The following KLHL8 variants were observed in gnomAD, a reference collection of about 807,000 sequenced individuals.
KLHL8 encodes the protein kelch like family member 8.
KLHL8 carries 38 observed loss-of-function variants against 63.5 expected under a neutral mutation model. The ratio of observed to expected loss-of-function variants is 0.60; its 90% CI spans 0.46 to 0.78. The LOEUF is 0.78. KLHL8 is among the 30% of genes least tolerant of loss of function. The pLI is 0.00. For missense variants in KLHL8, 566 were observed against 752.4 expected (o/e 0.75, Z 2.90); for synonymous variants, 224 against 254.3 (o/e 0.88, Z 1.13).
chr4:87,195,673 T>C lies in KLHL8; in HGVS notation c.-134A>G, dbSNP rs1731668260. 1.8e-5 allele frequency: 12 copies of C among 661,114 alleles called. No homozygotes were observed. The South Asian group carries it at 2.2e-4, about 12-fold the overall frequency. 41.0% of individuals were successfully genotyped at this position (661,114 alleles called of 1,614,324 possible). A position where few individuals can be genotyped will look rare whatever the true frequency, so the allele number is the denominator to read the frequency against. ...TTTTTCAAAACCCACTCAACTGCCA[T>C]TGTACAGTTTGCTGTGACTGAAAAA... is the stretch of plus-strand genomic sequence containing the variant. On this transcript the variant is annotated 5_prime_UTR_variant, in exon 2 of 10. It removes an upstream start codon present in the reference 5' UTR. Transcript: ENST00000273963.
At chr4:87,198,877 C>A (rs903702120) in intron 1 of KLHL8, among the ~76,000 whole-genome samples, 2 of 152,228 alleles carry the variant, frequency 1.3e-5, no homozygotes, top group African/African-American at 4.8e-5. Flanking sequence ...TAGAAGCAGC[C>A]TAAATGTCCT....
rs1370357298 is a variant in KLHL8, at chr4:87,185,655, A to C, written c.361T>G (p.Leu121Val). ...CGTGAAGAATAGACAAACTTTACCA[A>C]GTCTTCTATTGCATCACCATCAAAA... is the stretch of plus-strand genomic sequence containing the variant. ...RDFDGDAIED[L>V]VKFVYSSRLT... is the part of the protein sequence containing the mutation. The change falls in exon 3 of 10, where the codon TTG becomes GTG. Residue 121 changes from leucine to valine, a missense_variant. Transcript: ENST00000273963. 1.2e-6 allele frequency: 2 copies of C among 1,614,200 alleles called. No individual in the cohort carries two copies. The highest frequency in any genetic ancestry group is 1.7e-6 in the Non-Finnish European group (2 of 1,180,038).
intron 1 of KLHL8, among the ~76,000 whole-genome samples, chr4:87,218,371 C>T (rs1732682173): frequency 6.6e-6 from 1 of 152,036 alleles, no homozygotes; most frequent in South Asian, 2.1e-4. Context: ...CATGCGCCAC[C>T]ATGCCCAGCT....
chr4:87,214,211 CT>C (rs11336481), intron 1 of KLHL8, among the ~76,000 whole-genome samples: 20,494 of 141,556 alleles, frequency 0.14, 2,839 homozygotes, highest in African/African-American at 0.36. Context: ...CCTAAGTCAT[CT>C]TTTTTTTTTT....
chr4:87,220,850 C>G (rs1732817057), upstream of KLHL8: 1 of 152,248 alleles, frequency 6.6e-6, no homozygotes, highest in South Asian at 2.1e-4. Context: ...TTGAGCTTAT[C>G]CATGCTTCAC....
intron 1 of KLHL8, among the ~76,000 whole-genome samples, chr4:87,229,336 T>C (rs1733092919): frequency 6.6e-6 from 1 of 152,066 alleles, no homozygotes; most frequent in African/African-American, 2.4e-5. Context: ...AGCATGGACA[T>C]TGACCAGCAG....
intron 2 of KLHL8, among the ~76,000 whole-genome samples, chr4:87,195,073 C>T (rs534325664): frequency 1.3e-5 from 2 of 152,288 alleles, no homozygotes; most frequent in East Asian, 3.9e-4. Flanking sequence ...GGTTTCAGAA[C>T]TCTCAGAAGT....
chr4:87,239,659 G>C (rs561156960), intron 1 of KLHL8, among the ~76,000 whole-genome samples: 1 of 152,016 alleles, frequency 6.6e-6, no homozygotes, highest in South Asian at 2.1e-4. Context: ...AGAGGCAGCA[G>C]GTGTTTCAGC....
chr4:87,160,213 A>AT lies in KLHL8; in HGVS notation c.*3305dup, dbSNP rs1408094074. The AT allele has an allele frequency of 6.6e-6, 1 of 152,132 alleles. No individual in the cohort carries two copies. The highest frequency in any genetic ancestry group is 2.4e-5 in the African/African-American group (1 of 41,434). 9.4% of individuals were successfully genotyped at this position (152,132 alleles called of 1,614,324 possible). A position where few individuals can be genotyped will look rare whatever the true frequency, so the allele number is the denominator to read the frequency against. On this transcript the variant is annotated 3_prime_UTR_variant, in exon 10 of 10. Coordinates refer to ENST00000273963, the MANE Select transcript of KLHL8 (RefSeq NM_020803.5). ...ATATATATGACCACTTATTACATTG[A>AT]TTTTCTGGAGTATTATAACACAAAT...
At chr4:87,240,359 C>T (rs1019118873), upstream of KLHL8, 10 of 152,212 alleles carry the variant, frequency 6.6e-5, no homozygotes, top group Admixed American at 6.5e-4. Context: ...GTCTTCCAAA[C>T]ACCACTTTGT....
chr4:87,171,752 G>A (rs150522738), intron 6 of KLHL8, among the ~76,000 whole-genome samples: 21 of 152,200 alleles, frequency 1.4e-4, no homozygotes, highest in African/African-American at 3.9e-4. Flanking sequence ...CCACTCCTAC[G>A]TCTCTGGCTA....
At chr4:87,165,377 T>C (rs1213290811) in intron 8 of KLHL8, among the ~76,000 whole-genome samples, 1 of 151,938 alleles carries the variant, frequency 6.6e-6, no homozygotes, top group East Asian at 1.9e-4. Flanking sequence ...CTAATGTAGA[T>C]TAAGGGTTTT....
At chr4:87,167,279 G>A (rs971755633) in intron 8 of KLHL8, 9 of 468,162 alleles carry the variant, frequency 1.9e-5, no homozygotes, top group Admixed American at 1.0e-4. Flanking sequence ...ATTAGAGACC[G>A]AATCAAGTTC....
In KLHL8 at chr4:87,226,460, G is replaced by A. The variant is rs1400632422; in HGVS notation, n.58-5070C>T. ...CGCCTGTAGTCCCAGCTACTTGGGG[G>A]CTGAGGCAGAAGAGTTGCGTGAATC... On this transcript the variant is annotated intron_variant and non_coding_transcript_variant, in intron 1 of 1. Transcript: ENST00000506274. Among the ~76,000 whole-genome samples, 3 of 149,358 alleles carry A rather than the reference G, an allele frequency of 2.0e-5. No homozygotes were observed. In the Admixed American group the frequency reaches 2.1e-4, roughly 10 times the overall value.
rs146315239 is a variant in KLHL8 at position 87,184,283 on chromosome 4, T to C, written c.766-894A>G. Among the ~76,000 whole-genome samples, 1,101 of 152,310 alleles carry C rather than the reference T, an allele frequency of 7.2e-3. 10 individuals carry two copies. Among genetic ancestry groups the C allele is most frequent in the African/African-American group, 0.025 (1,049 of 41,582 alleles). ...TGTGTTCTGAACTTTGATACTCATATGAATGCATAAATATTGTGATATGCA... is the reference window on the plus strand; with the variant it reads ...TGTGTTCTGAACTTTGATACTCATACGAATGCATAAATATTGTGATATGCA... On this transcript the variant is annotated intron_variant, in intron 3 of 9. Coordinates refer to ENST00000273963, the MANE Select transcript of KLHL8 (RefSeq NM_020803.5).
chr4:87,167,427 C>A, intron 8 of KLHL8: 1 of 473,488 alleles, frequency 2.1e-6, no homozygotes, highest in Admixed American at 2.4e-5. Context: ...AGGTGTTCTC[C>A]TACTCCAGGC....
At position 87,170,145 on chromosome 4, in the gene KLHL8, T is replaced by C. The variant is rs368268645; in HGVS notation, c.1471A>G (p.Lys491Glu). 5 of 1,614,070 alleles carry C rather than the reference T, an allele frequency of 3.1e-6. No individual in the cohort carries two copies. Among genetic ancestry groups the C allele is most frequent in the African/African-American group, 1.3e-5 (1 of 74,942 alleles). ...CCTGCTCTTCGCTGACCCATTTCTTTAACTTCTATCCACTTATCCAGATGT... is the reference window on the plus strand; with the variant it reads ...CCTGCTCTTCGCTGACCCATTTCTTCAACTTCTATCCACTTATCCAGATGT... Reference protein sequence around the residue: ...DPHLDKWIEVKEMGQRRAGNG... With the variant: ...DPHLDKWIEVEEMGQRRAGNG... The change falls in exon 8 of 10, where the codon AAA becomes GAA. Residue 491 changes from lysine (K) to glutamate (E), a missense_variant. Lys to Glu is a moderately conservative substitution (Grantham distance 56). Transcript: ENST00000273963.
intron 5 of KLHL8, 141 bp downstream of exon 5, chr4:87,178,336 T>G: frequency 1.1e-6 from 1 of 871,136 alleles, no homozygotes; most frequent in South Asian, 1.9e-5. Flanking sequence ...ACAAAGCAAG[T>G]AAATTATCAC....
intron 1 of KLHL8, chr4:87,207,531 T>C: frequency 4.2e-6 from 4 of 947,858 alleles, no homozygotes; most frequent in Non-Finnish European, 6.8e-6. Flanking sequence ...TCATCAGCAA[T>C]GCCTTCTGCA....
Sources: allele counts gnomAD v4.1 joint callset (sites outside exome capture counted in the v4.1 genomes callset), GRCh38; gene constraint gnomAD v4.1.1; transcripts MANE v1.5; gene names NCBI Gene and HGNC (gene_info 2026-07-23, HGNC 2026-07-21).